Variants in ABCA13 observed in about 807,000 individuals in gnomAD.
The protein encoded by ABCA13 is ATP binding cassette subfamily A member 13.
In ABCA13, 476 loss-of-function variants were observed where a neutral mutation model predicts 478.7. The ratio of observed to expected loss-of-function variants is 0.99; its 90% confidence interval spans 0.92 to 1.07. The LOEUF is 1.07. ABCA13 is among the 50% of genes least tolerant of loss of function. The probability of loss-of-function intolerance (pLI) is 0.00; values close to 1 mark genes in which losing one functional copy is unlikely to be tolerated. For synonymous variants in ABCA13, 2,252 were observed against 2,158.9 expected (o/e 1.04, Z -1.20); for missense variants, 6,060 against 5,910.6 (o/e 1.03, Z -0.83).
At chr7:48,400,899 C>T (rs1817510435) in intron 38 of ABCA13, among the ~76,000 whole-genome samples, 1 of 152,240 alleles carries the variant, frequency 6.6e-6, no homozygotes, top group South Asian at 2.1e-4. Context: ...TTATCTTCAG[C>T]CTCCATGCCT....
At chr7:48,614,297 C>T (rs1164430393) in intron 58 of ABCA13, among the ~76,000 whole-genome samples, 2 of 151,262 alleles carry the variant, frequency 1.3e-5, no homozygotes, top group East Asian at 3.9e-4. Context: ...CTAAATGCTT[C>T]TCTCCTATAT....
At chr7:48,613,820 A>G (rs1372277442) in intron 58 of ABCA13, among the ~76,000 whole-genome samples, 1 of 148,654 alleles carries the variant, frequency 6.7e-6, no homozygotes, top group Non-Finnish European at 1.5e-5. Context: ...TAAAATTTTG[A>G]TTAGATTTAC....
intron 39 of ABCA13, among the ~76,000 whole-genome samples, chr7:48,407,170 G>A (rs1360837972): frequency 6.6e-6 from 1 of 151,868 alleles, no homozygotes; most frequent in African/African-American, 2.4e-5. Context: ...AAACAACCTC[G>A]GATCAAAAAT....
chr7:48,450,060 C>T (rs545849631), intron 42 of ABCA13, among the ~76,000 whole-genome samples: 6 of 152,176 alleles, frequency 3.9e-5, no homozygotes, highest in Admixed American at 2.0e-4. Flanking sequence ...AAGAACTTCT[C>T]GAAACCCTTC....
chr7:48,367,847 T>C lies in ABCA13; in HGVS notation c.10742T>C (p.Met3581Thr). The change falls in exon 32 of 62, where the codon ATG (methionine) becomes ACG (threonine). Residue 3581 changes from methionine to threonine, a missense_variant. Transcript: ENST00000435803. ...CCACTGATAATGATGCTGACGTGGA[T>C]GGTGTCTGTGGCCAGCATGGTCAGA... ...FFPLIMMLTW[M>T]VSVASMVRKL... 1 of 1,581,888 alleles carries C rather than the reference T, an allele frequency of 6.3e-7. No homozygotes were observed. Among genetic ancestry groups the C allele is most frequent in the Middle Eastern group, 1.7e-4 (1 of 6,018 alleles).
In ABCA13 at chr7:48,587,252, C is replaced by T. The variant is rs759452264; in HGVS notation, c.14604C>T (p.Ala4868=). ...SGGTKRKLST[A]LALVGKPDIL... is the part of the protein sequence containing the mutation. ...GAACCAAGCGGAAACTCTCTACAGC[C>T]CTGGCCCTGGTGGGGAAACCTGACA... Residue 4868 remains alanine (A), a synonymous_variant, in exon 57 of 62, where the codon GCC becomes GCT. Transcript: ENST00000435803. 9.3e-6 allele frequency: 15 copies of T among 1,611,172 alleles called. No homozygotes were observed. In the South Asian group the frequency reaches 1.5e-4, roughly 17 times the overall value.
intron 24 of ABCA13, among the ~76,000 whole-genome samples, 172 bp downstream of exon 24, chr7:48,310,313 CAAG>C (rs980841239): frequency 2.6e-5 from 4 of 152,204 alleles, no homozygotes; most frequent in African/African-American, 9.6e-5. Flanking sequence ...AGGTGGGGCT[CAAG>C]AAGACTTTGT....
chr7:48,608,258 A>G (rs972494364), intron 58 of ABCA13, among the ~76,000 whole-genome samples: 17 of 152,252 alleles, frequency 1.1e-4, no homozygotes, highest in African/African-American at 4.1e-4. Flanking sequence ...ACTGGGCACA[A>G]GTTGTGCTCA....
intron 27 of ABCA13, among the ~76,000 whole-genome samples, chr7:48,324,817 A>G (rs754765761): frequency 1.3e-5 from 2 of 152,172 alleles, no homozygotes; most frequent in Non-Finnish European, 2.9e-5. Context: ...GCAGGGTCCA[A>G]TCTCACTCAT....
At chr7:48,454,540 C>A (rs536541122) in intron 42 of ABCA13, among the ~76,000 whole-genome samples, 1 of 147,078 alleles carries the variant, frequency 6.8e-6, no homozygotes, top group East Asian at 2.2e-4. Flanking sequence ...GGGCAGGCGC[C>A]GGGCTCTCCT....
Position 48,587,311 on chromosome 7 carries a change from C to T in ABCA13, c.14640+23C>T, listed in dbSNP as rs371663337. ...TTGGTGAGTAGAAGAATGTCAATAT[C>T]TTGGAGTAAGATACATATTGCATAT... On this transcript the variant is annotated intron_variant, in intron 57 of 61. Coordinates refer to ENST00000435803, the MANE Select transcript of ABCA13 (RefSeq NM_152701.5). The T allele has an allele frequency of 3.2e-6, 5 of 1,583,596 alleles. No homozygotes were observed. The South Asian group carries it at 5.7e-5, about 18-fold the overall frequency.
chr7:48,527,621 T>C (rs550841108), intron 54 of ABCA13, among the ~76,000 whole-genome samples: 1 of 152,302 alleles, frequency 6.6e-6, no homozygotes, highest in Admixed American at 6.5e-5. Context: ...CTGAGTTGAC[T>C]CTATGCTCAA....
In ABCA13 at chr7:48,287,440, G is replaced by A. The variant is rs1204749331; in HGVS notation, c.8837-520G>A. Among the ~76,000 whole-genome samples the A allele has an allele frequency of 2.0e-5, 3 of 152,306 alleles. No individual in the cohort carries two copies. The East Asian group carries it at 5.8e-4, about 29-fold the overall frequency. ...ACGCACAGATGGAGAGACATTGGGA[G>A]GTCATGCTGAGCAGATGGGGAGGTT... On this transcript the variant is annotated intron_variant, in intron 19 of 61. Coordinates refer to ENST00000435803, the MANE Select transcript of ABCA13 (RefSeq NM_152701.5).
intron 42 of ABCA13, among the ~76,000 whole-genome samples, chr7:48,443,737 A>G (rs1203939383): frequency 3.4e-4 from 51 of 152,208 alleles, no homozygotes; most frequent in Admixed American, 3.0e-3. Flanking sequence ...TCAATTTCAA[A>G]TGTCCCCTCT....
At chr7:48,548,671 T>G (rs534633438) in intron 55 of ABCA13, among the ~76,000 whole-genome samples, 2 of 151,742 alleles carry the variant, frequency 1.3e-5, no homozygotes, top group Non-Finnish European at 2.9e-5. Flanking sequence ...GTTAATATAT[T>G]GTTTGAGCTC....
intron 59 of ABCA13, among the ~76,000 whole-genome samples, chr7:48,633,734 C>T (rs1008618517): frequency 7.0e-6 from 1 of 142,844 alleles, no homozygotes; most frequent in African/African-American, 2.6e-5. Flanking sequence ...AAAAAAAATA[C>T]AAAAATTAGC....
rs187656582 is a variant in ABCA13, at chr7:48,252,616, G to A, written c.2005+3265G>A. Among the ~76,000 whole-genome samples, 3 of 152,170 alleles carry A rather than the reference G, an allele frequency of 2.0e-5. No homozygotes were observed. The East Asian group carries it at 5.8e-4, about 29-fold the overall frequency. ...TAAAAATATACGATTATAATCTTAC[G>A]GGACCAAGCATCATTATGTGGTATA... On this transcript the variant is annotated intron_variant, in intron 15 of 61. Coordinates refer to ENST00000435803, the MANE Select transcript of ABCA13 (RefSeq NM_152701.5).
At chr7:48,442,362 C>T (rs902768859) in intron 42 of ABCA13, among the ~76,000 whole-genome samples, 2 of 152,170 alleles carry the variant, frequency 1.3e-5, no homozygotes, top group Non-Finnish European at 2.9e-5. Flanking sequence ...GAGATGTTAT[C>T]TGATTTGCCC....
chr7:48,560,060 C>A (rs1197972776), intron 55 of ABCA13, among the ~76,000 whole-genome samples: 1 of 152,160 alleles, frequency 6.6e-6, no homozygotes, highest in Non-Finnish European at 1.5e-5. Context: ...AGTCCACTGG[C>A]TGTAATCCCA....
Sources: allele counts gnomAD v4.1 joint callset (sites outside exome capture counted in the v4.1 genomes callset), GRCh38; gene constraint gnomAD v4.1.1; transcripts MANE v1.5; gene names NCBI Gene and HGNC (gene_info 2026-07-23, HGNC 2026-07-21).